Variants in RPRD2 observed in about 807,000 individuals in gnomAD.
RPRD2 encodes the protein regulation of nuclear pre-mRNA domain containing 2, also known as regulation of nuclear pre-mRNA domain-containing protein 2.
Under a neutral mutation model 104.4 loss-of-function variants are expected in RPRD2, and 12 were observed. That is an observed-to-expected ratio of 0.11 (90% CI 0.07 to 0.19). The LOEUF is 0.19. Among genes scored for constraint, RPRD2 ranks in the 10% least tolerant of loss-of-function variants. The pLI is 1.00. For synonymous variants in RPRD2, 714 were observed against 684.9 expected (o/e 1.04, Z -0.66); for missense variants, 1,543 against 1,790.1 (o/e 0.86, Z 2.49).
chr1:150,453,690 A>T (rs143187084), intron 7 of RPRD2, among the ~76,000 whole-genome samples: 1 of 152,266 alleles, frequency 6.6e-6, no homozygotes, highest in African/African-American at 2.4e-5. Flanking sequence ...TGTTTTGTTT[A>T]GTGCCCAGAG....
intron 2 of RPRD2, among the ~76,000 whole-genome samples, chr1:150,433,552 C>G (rs1169108378): frequency 1.4e-5 from 2 of 142,478 alleles, no homozygotes; most frequent in Non-Finnish European, 3.0e-5. Flanking sequence ...TCATGCCATT[C>G]TCCTGCCTCA....
intron 7 of RPRD2, among the ~76,000 whole-genome samples, chr1:150,455,835 A>G (rs1356968097): frequency 3.9e-5 from 6 of 152,060 alleles, no homozygotes; most frequent in African/African-American, 1.4e-4. Flanking sequence ...TTGTTTTGAG[A>G]TAGGGTCTCG....
At chr1:150,380,621 T>G (rs1572356841) in intron 1 of RPRD2, among the ~76,000 whole-genome samples, 1 of 152,232 alleles carries the variant, frequency 6.6e-6, no homozygotes, top group African/African-American at 2.4e-5. Context: ...GTGCTGGGAT[T>G]AAGGCGTGAG....
chr1:150,373,026 T>G (rs1660432399), intron 1 of RPRD2, among the ~76,000 whole-genome samples: 2 of 152,032 alleles, frequency 1.3e-5, no homozygotes, highest in Non-Finnish European at 2.9e-5. Flanking sequence ...TTTTTCTTTT[T>G]TTTTTGAGAC....
chr1:150,364,602 C>A lies in RPRD2; in HGVS notation c.-113C>A. 1 of 624,394 alleles carries A rather than the reference C, an allele frequency of 1.6e-6. No homozygotes were observed. Among genetic ancestry groups the A allele is most frequent in the Non-Finnish European group, 2.8e-6 (1 of 358,788 alleles). The allele number at this position is 624,394 out of a possible 1,614,324, so 38.7% of individuals were successfully genotyped here. A position where few individuals can be genotyped will look rare whatever the true frequency, so the allele number is the denominator to read the frequency against. ...CGCGTGCACCATCCCCACCCCCTAG[C>A]TTCCCTCCCCACCTACGGCTTTCAC... is the stretch of plus-strand genomic sequence containing the variant. On this transcript the variant is annotated 5_prime_UTR_variant, in exon 1 of 11. Coordinates refer to ENST00000369068, the MANE Select transcript of RPRD2 (RefSeq NM_015203.5).
intron 2 of RPRD2, among the ~76,000 whole-genome samples, chr1:150,423,082 G>C (rs1381840990): frequency 6.6e-6 from 1 of 152,114 alleles, no homozygotes; most frequent in Non-Finnish European, 1.5e-5. Flanking sequence ...AGAGGGAGGG[G>C]TAAAAATGAA....
At chr1:150,431,876 A>G (rs782328186) in intron 2 of RPRD2, among the ~76,000 whole-genome samples, 1 of 152,222 alleles carries the variant, frequency 6.6e-6, no homozygotes, top group Non-Finnish European at 1.5e-5. Flanking sequence ...GACAAGTATT[A>G]TATGATGCCA....
intron 1 of RPRD2, among the ~76,000 whole-genome samples, chr1:150,373,512 G>A (rs1660473867): frequency 1.4e-5 from 2 of 141,838 alleles, no homozygotes; most frequent in Admixed American, 1.4e-4. Flanking sequence ...GGTGAGAGAG[G>A]AGGAGAATAA....
chr1:150,419,091 C>G (rs1553889124), intron 2 of RPRD2, among the ~76,000 whole-genome samples: 3 of 152,194 alleles, frequency 2.0e-5, no homozygotes, highest in Non-Finnish European at 4.4e-5. Flanking sequence ...TTGAACATCC[C>G]CACATTCGGG....
At chr1:150,466,202 C>G (rs1016023893) in intron 10 of RPRD2, among the ~76,000 whole-genome samples, 1 of 151,486 alleles carries the variant, frequency 6.6e-6, no homozygotes, top group Non-Finnish European at 1.5e-5. Flanking sequence ...CACAGTGAAA[C>G]CCCGACTCTA....
rs1668891587 is a variant in RPRD2, at chr1:150,476,363, T to C, written c.*3029T>C. The C allele has an allele frequency of 6.6e-6, 1 of 152,188 alleles. No individual in the cohort carries two copies. The highest frequency in any genetic ancestry group is 2.4e-5 in the African/African-American group (1 of 41,448). 9.4% of individuals were successfully genotyped at this position (152,188 alleles called of 1,614,324 possible). A position where few individuals can be genotyped will look rare whatever the true frequency, so the allele number is the denominator to read the frequency against. ...TCAGCTGTTACTGTTTTGAAGCCGC[T>C]GTAAATTACTGCTTTCCCCAGTTCC... On this transcript the variant is annotated 3_prime_UTR_variant, in exon 11 of 11. Transcript: ENST00000369068.
rs1312229576 is a variant in RPRD2 at position 150,388,118 on chromosome 1, A to G, written c.205+23199A>G. Among the ~76,000 whole-genome samples, 10 of 151,122 alleles carry G rather than the reference A, an allele frequency of 6.6e-5. No individual in the cohort carries two copies. In the East Asian group the frequency reaches 2.0e-3, roughly 30 times the overall value. ...TTTTTTGTAGAGACGGGGTCTCACT[A>G]TGTTGCCTAGGCTGGTCTTAAACTC... On this transcript the variant is annotated intron_variant, in intron 1 of 10. Transcript: ENST00000369068.
At chr1:150,396,127 C>G (rs1270045601) in intron 1 of RPRD2, among the ~76,000 whole-genome samples, 1 of 150,358 alleles carries the variant, frequency 6.7e-6, no homozygotes, top group African/African-American at 2.4e-5. Context: ...GTTTGTTTGA[C>G]ATTTGTATGC....
intron 2 of RPRD2, among the ~76,000 whole-genome samples, chr1:150,423,304 A>G (rs1215133159): frequency 1.3e-5 from 2 of 152,196 alleles, no homozygotes; most frequent in South Asian, 2.1e-4. Flanking sequence ...AATAAGTTAT[A>G]TATAGATTAT....
rs143086972 is a variant in RPRD2 at position 150,368,036 on chromosome 1, C to G, written c.205+3117C>G. ...TGCTTTAAAACCCTGCAGTGATATCCCATTGCAACAAGTTGAAGGTCTGAA... is the reference window on the plus strand; with the variant it reads ...TGCTTTAAAACCCTGCAGTGATATCGCATTGCAACAAGTTGAAGGTCTGAA... On this transcript the variant is annotated intron_variant, in intron 1 of 10. Transcript: ENST00000369068. Among the ~76,000 whole-genome samples the G allele has an allele frequency of 3.6e-3, 546 of 152,048 alleles. 4 individuals carry two copies. The highest frequency in any genetic ancestry group is 0.012 in the African/African-American group (504 of 41,508).
intron 10 of RPRD2, among the ~76,000 whole-genome samples, chr1:150,465,119 A>G (rs1668180913): frequency 6.6e-6 from 1 of 151,708 alleles, no homozygotes; most frequent in Non-Finnish European, 1.5e-5. Flanking sequence ...TGCTGGGATT[A>G]TAGGCATGAG....
chr1:150,435,584 C>T (rs1158250947), intron 2 of RPRD2, among the ~76,000 whole-genome samples: 1 of 152,190 alleles, frequency 6.6e-6, no homozygotes, highest in African/African-American at 2.4e-5. Flanking sequence ...AAGCCAGATA[C>T]AACATAAAGC....
At chr1:150,410,673 T>G (rs886735210) in intron 1 of RPRD2, among the ~76,000 whole-genome samples, 7 of 152,236 alleles carry the variant, frequency 4.6e-5, no homozygotes, top group African/African-American at 1.7e-4. Flanking sequence ...GAGCATATGT[T>G]GCAGACATGC....
chr1:150,449,784 C>A (rs1281442724), intron 7 of RPRD2, among the ~76,000 whole-genome samples: 1 of 152,152 alleles, frequency 6.6e-6, no homozygotes, highest in African/African-American at 2.4e-5. Flanking sequence ...TCACCCATAA[C>A]AAATGGCTTC....
Sources: gnomAD v4.1 joint callset for allele counts (sites outside exome capture counted in the v4.1 genomes callset) on GRCh38, gnomAD v4.1.1 for gene constraint, MANE v1.5 for transcripts, NCBI Gene and HGNC (gene_info 2026-07-23, HGNC 2026-07-21) for gene names.